PLXNA1: variants seen among roughly 807,000 people sequenced by gnomAD.
PLXNA1 encodes the protein plexin-A1.
Under a neutral mutation model 191.7 loss-of-function variants are expected in PLXNA1, and 77 were observed. The ratio of observed to expected loss-of-function variants is 0.40; its 90% CI spans 0.33 to 0.49. PLXNA1 has a LOEUF of 0.49. Among genes scored for constraint, PLXNA1 ranks in the 20% least tolerant of loss-of-function variants. The pLI is 0.63. For missense variants in PLXNA1, 2,110 were observed against 2,660.2 expected (o/e 0.79, Z 4.55); for synonymous variants, 1,137 against 1,156.4 (o/e 0.98, Z 0.34).
chr3:127,026,313 G>C (rs974300247), intron 23 of PLXNA1: 10 of 152,212 alleles, frequency 6.6e-5, no homozygotes, highest in Admixed American at 5.2e-4. Flanking sequence ...AGCCTTCTCT[G>C]GGTACACCTG....
rs1237615963 is a variant in PLXNA1 at position 127,035,225 on chromosome 3, A to G, written c.*1208A>G. ...ATGCATTCTTAAAAGAAAGCTGTAC[A>G]TGTATATATATGCATATATATATAT... On this transcript the variant is annotated 3_prime_UTR_variant, in exon 32 of 32. Coordinates refer to ENST00000393409, the MANE Select transcript of PLXNA1 (RefSeq NM_032242.4). 1 of 152,194 alleles carries G rather than the reference A, an allele frequency of 6.6e-6. No homozygotes were observed. Among genetic ancestry groups the G allele is most frequent in the East Asian group, 1.9e-4 (1 of 5,186 alleles). The allele number at this position is 152,194 out of a possible 1,614,324, so 9.4% of individuals were successfully genotyped here. A position where few individuals can be genotyped will look rare whatever the true frequency, so the allele number is the denominator to read the frequency against.
At chr3:126,993,007 C>A (rs1050602357) in intron 3 of PLXNA1, among the ~76,000 whole-genome samples, 1 of 152,150 alleles carries the variant, frequency 6.6e-6, no homozygotes, top group African/African-American at 2.4e-5. Flanking sequence ...TTGTGGGGCG[C>A]CCCAGAGCCT....
chr3:127,016,462 C>T, intron 15 of PLXNA1, 55 bp from the exon 16 acceptor site: 2 of 1,555,702 alleles, frequency 1.3e-6, no homozygotes, highest in East Asian at 4.5e-5. Context: ...ATCTGCATTC[C>T]ACCTGCCTGG....
intron 3 of PLXNA1, among the ~76,000 whole-genome samples, chr3:126,997,847 G>C (rs987304304): frequency 6.6e-6 from 1 of 152,228 alleles, no homozygotes; most frequent in Non-Finnish European, 1.5e-5. Flanking sequence ...GCCAGGGCAC[G>C]GGCCCGTCAA....
chr3:127,000,850 T>G (rs371479737), intron 3 of PLXNA1, among the ~76,000 whole-genome samples: 23 of 152,138 alleles, frequency 1.5e-4, no homozygotes, highest in African/African-American at 4.8e-4. Context: ...CTGCGTCACA[T>G]CCATCCTCTG....
At chr3:126,999,133 G>C (rs1423985641) in intron 3 of PLXNA1, among the ~76,000 whole-genome samples, 1 of 152,162 alleles carries the variant, frequency 6.6e-6, no homozygotes, top group Non-Finnish European at 1.5e-5. Context: ...TTCTGGCTGG[G>C]AAGGGGAGGG....
chr3:126,984,315 C>T (rs2107618510), intron 1 of PLXNA1, among the ~76,000 whole-genome samples: 1 of 152,312 alleles, frequency 6.6e-6, no homozygotes, highest in East Asian at 1.9e-4. Context: ...GGGGAGGGGA[C>T]GTGGTCGAGC....
At chr3:127,003,770 G>A (rs1367426775) in intron 4 of PLXNA1, among the ~76,000 whole-genome samples, 1 of 152,238 alleles carries the variant, frequency 6.6e-6, no homozygotes, top group Non-Finnish European at 1.5e-5. Flanking sequence ...CACAGAAACA[G>A]ATGTATGAAG....
At chr3:127,009,933 T>G (rs889170236) in intron 9 of PLXNA1, among the ~76,000 whole-genome samples, 23 of 152,216 alleles carry the variant, frequency 1.5e-4, no homozygotes, top group African/African-American at 5.5e-4. Flanking sequence ...TAGAAATGCC[T>G]GTTTCTGGAC....
chr3:127,033,888 G>T, intron 31 of PLXNA1, 34 bp from the exon 32 acceptor site: 1 of 1,545,322 alleles, frequency 6.5e-7, no homozygotes, highest in East Asian at 2.4e-5. Flanking sequence ...GAGGCTGGTG[G>T]CCCGGCATGC....
At chr3:127,019,104 G>C (rs143819524) in intron 20 of PLXNA1, among the ~76,000 whole-genome samples, 1 of 152,178 alleles carries the variant, frequency 6.6e-6, no homozygotes. Context: ...GTTCCATGCC[G>C]GGCGAGACTT....
rs1193409909 is a variant in PLXNA1, at chr3:127,005,101, G to A, written c.1755G>A (p.Gln585=). 1 of 1,612,750 alleles carries A rather than the reference G, an allele frequency of 6.2e-7. No homozygotes were observed. Among genetic ancestry groups the A allele is most frequent in the Non-Finnish European group, 8.5e-7 (1 of 1,179,918 alleles). The change falls in exon 7 of 32, where the codon CAG becomes CAA. Residue 585 remains glutamine (Q), a synonymous_variant. Transcript: ENST00000393409. The part of the protein sequence containing the change: ...VTMSQVPLVL[Q]AWNVPDLSAG... The stretch of plus-strand genomic sequence containing the variant: ...TGCTGCCTGCCCAGCTTGTGCTGCA[G>A]GCCTGGAACGTGCCTGACCTCTCAG...
Position 127,003,452 on chromosome 3 carries a change from C to T in PLXNA1, c.1500C>T (p.Tyr500=), listed in dbSNP as rs142194095. 26 of 1,610,142 alleles carry T rather than the reference C, an allele frequency of 1.6e-5. No homozygotes were observed. Among genetic ancestry groups the T allele is most frequent in the East Asian group, 6.7e-5 (3 of 44,738 alleles). Residue 500 remains tyrosine, a synonymous_variant, in exon 4 of 32, where the codon TAC becomes TAT. Transcript: ENST00000393409. ...LVLSPNHQYL[Y]AMTEKQVTRV... ...TCAGCCCCAACCACCAGTACCTCTA[C>T]GCCATGACCGAGAAGCAGGTGGGTG... is the stretch of plus-strand genomic sequence containing the variant.
At position 127,032,394 on chromosome 3, in the gene PLXNA1, C is replaced by G; in HGVS notation, c.5239C>G (p.Leu1747Val). ...RHTWKSNCLP[L>V]RFWVNVIKNP... ...CTGGACTCTCGCCTGCAGCCTGCCC[C>G]TGCGCTTCTGGGTGAACGTGATCAA... is the stretch of plus-strand genomic sequence containing the variant. The change falls in exon 30 of 32, where the codon CTG (leucine) becomes GTG (valine). Residue 1747 changes from leucine (L) to valine (V), a missense_variant. By Grantham distance (32) the Leu-to-Val change is conservative. This residue lies in a region of PLXNA1 where 559 missense variants were observed against 911.5 expected (regional missense o/e 0.61). Transcript: ENST00000393409. 1 of 1,613,784 alleles carries G rather than the reference C, an allele frequency of 6.2e-7. No homozygotes were observed. The highest frequency in any genetic ancestry group is 8.5e-7 in the Non-Finnish European group (1 of 1,179,954).
rs767731991 is a variant in PLXNA1 at position 127,012,120 on chromosome 3, C to T, written c.2275C>T (p.Arg759Cys). ...PGSPARVTALRFNSSSLQCQN... is the reference protein window; with the variant it reads ...PGSPARVTALCFNSSSLQCQN... ...CAGCCCGGCCCGTGTCACCGCCCTG[C>T]GCTTCAACAGCTCCAGCCTGCAGTG... is the stretch of plus-strand genomic sequence containing the variant. Residue 759 changes from arginine (R) to cysteine (C), a missense_variant, in exon 10 of 32, where the codon CGC becomes TGC. Physicochemically the swap from Arg to Cys is radical, Grantham distance 180 (BLOSUM62 -3). Coordinates refer to ENST00000393409, the MANE Select transcript of PLXNA1 (RefSeq NM_032242.4). 4 of 1,613,130 alleles carry T rather than the reference C, an allele frequency of 2.5e-6. No homozygotes were observed. Among genetic ancestry groups the T allele is most frequent in the Non-Finnish European group, 3.4e-6 (4 of 1,179,988 alleles).
chr3:127,014,464 T>C lies in PLXNA1; in HGVS notation c.2605-14T>C. On this transcript the variant is annotated splice_polypyrimidine_tract_variant and intron_variant, in intron 12 of 31. Transcript: ENST00000393409. ...CCTGTGGGATGCCTGTACCCCAGCC[T>C]CTGCCTCCCTCAGCTGTCCCCCGAG... is the stretch of plus-strand genomic sequence containing the variant. 1.3e-6 allele frequency: 2 copies of C among 1,598,952 alleles called. No homozygotes were observed. Among genetic ancestry groups the C allele is most frequent in the Admixed American group, 1.7e-5 (1 of 59,830 alleles).
chr3:127,003,705 A>G (rs1178632043), intron 4 of PLXNA1, among the ~76,000 whole-genome samples: 1 of 152,142 alleles, frequency 6.6e-6, no homozygotes, highest in African/African-American at 2.4e-5. Flanking sequence ...TGCTGCCTCC[A>G]TGTTCTCCTG....
intron 15 of PLXNA1, among the ~76,000 whole-genome samples, chr3:127,016,154 G>A (rs534968449): frequency 4.5e-4 from 69 of 152,114 alleles, no homozygotes; most frequent in Admixed American, 1.4e-3. Flanking sequence ...TGCGTGGGAC[G>A]GGCCTGCTGC....
intron 1 of PLXNA1, among the ~76,000 whole-genome samples, chr3:126,988,034 G>A (rs1302854818): frequency 6.6e-6 from 1 of 152,190 alleles, no homozygotes; most frequent in South Asian, 2.1e-4. Flanking sequence ...GCCCATCTAT[G>A]TCAAGCTTCT....
Sources: gnomAD v4.1 joint callset for allele counts (sites outside exome capture counted in the v4.1 genomes callset) on GRCh38, gnomAD v4.1.1 for gene constraint, gnomAD v4.1.1 regional missense constraint, MANE v1.5 for transcripts, NCBI Gene and HGNC (gene_info 2026-07-23, HGNC 2026-07-21) for gene names.